PRKG2: variants seen among roughly 807,000 people sequenced by gnomAD.
PRKG2 encodes the protein cGMP-dependent protein kinase 2.
A neutral mutation model predicts 97.2 loss-of-function variants in PRKG2; 33 were observed. The observed-to-expected ratio is 0.34, with a 90% CI of 0.26 to 0.45. The LOEUF is 0.45. Among genes scored for constraint, PRKG2 ranks in the 20% least tolerant of loss-of-function variants. The pLI, the probability that PRKG2 is intolerant of heterozygous loss-of-function variation, is 1.00. For missense variants in PRKG2, 638 were observed against 900.0 expected, an observed-to-expected ratio of 0.71 and a Z score of 3.73; for synonymous variants, 330 against 321.8, an observed-to-expected ratio of 1.03 and a Z score of -0.27.
At chr4:81,194,596 T>C (rs772646561) in intron 2 of PRKG2, among the ~76,000 whole-genome samples, 4 of 150,654 alleles carry the variant, frequency 2.7e-5, no homozygotes, top group Non-Finnish European at 5.9e-5. Context: ...CAACAAAACA[T>C]TTCTCTCTCT....
intron 15 of PRKG2, among the ~76,000 whole-genome samples, chr4:81,106,360 T>G (rs1009006500): frequency 6.6e-6 from 1 of 152,000 alleles, no homozygotes; most frequent in Non-Finnish European, 1.5e-5. Context: ...AGGCCATGAG[T>G]CAGGAGTGGG....
chr4:81,091,045 A>G (rs1174989233), intron 18 of PRKG2, among the ~76,000 whole-genome samples: 3 of 152,198 alleles, frequency 2.0e-5, no homozygotes, highest in African/African-American at 7.2e-5. Context: ...TTTTAAATCT[A>G]AAATTCGAAG....
intron 6 of PRKG2, among the ~76,000 whole-genome samples, chr4:81,156,777 C>T (rs1241951063): frequency 6.6e-6 from 1 of 152,226 alleles, no homozygotes; most frequent in African/African-American, 2.4e-5. Context: ...TTAAGAATCT[C>T]ACTCAAAACC....
rs5859761 is a variant in PRKG2 at position 81,163,863 on chromosome 4, T to TACACAC, written c.912+3292_912+3297dup. Among the ~76,000 whole-genome samples the TACACAC allele has an allele frequency of 2.6e-3, 373 of 144,758 alleles. 2 individuals carry two copies. The highest frequency in any genetic ancestry group is 3.6e-3 in the Non-Finnish European group (234 of 64,594). The allele number at this position is 144,758 out of a possible 152,430, so 95.0% of individuals were successfully genotyped here. ...TGATGATATACAACCAGATGTATAGTACACACACACACACACACACACACA... is the reference window on the plus strand; with the variant it reads ...TGATGATATACAACCAGATGTATAGTACACACACACACACACACACACACACACACA... On this transcript the variant is annotated intron_variant, in intron 6 of 18. Transcript: ENST00000264399.
At chr4:81,175,022 T>G in intron 2 of PRKG2, 63 bp from the exon 3 acceptor site, 1 of 1,400,148 alleles carries the variant, frequency 7.1e-7, no homozygotes, top group South Asian at 1.5e-5. Flanking sequence ...CTATTTAGAT[T>G]CACTTTATTC....
intron 6 of PRKG2, among the ~76,000 whole-genome samples, chr4:81,155,733 G>A (rs1159808270): frequency 5.9e-5 from 9 of 151,330 alleles, no homozygotes; most frequent in East Asian, 3.9e-4. Flanking sequence ...CAGATCTCTC[G>A]GCAGAAACTC....
intron 2 of PRKG2, chr4:81,175,710 C>T (rs1578471670): frequency 6.6e-6 from 1 of 152,154 alleles, no homozygotes; most frequent in East Asian, 1.9e-4. Context: ...ATTCTTTCCT[C>T]AAATCCAAGT....
chr4:81,178,353 T>C (rs1308421344), intron 2 of PRKG2, among the ~76,000 whole-genome samples: 1 of 151,874 alleles, frequency 6.6e-6, no homozygotes, highest in Non-Finnish European at 1.5e-5. Context: ...ACATCAGAAG[T>C]TACCAGGCAT....
chr4:81,139,549 C>T (rs1560571270), intron 12 of PRKG2, among the ~76,000 whole-genome samples: 2 of 151,452 alleles, frequency 1.3e-5, no homozygotes, highest in East Asian at 3.9e-4. Flanking sequence ...TGGCAGATCA[C>T]GAGGTCAGGA....
At chr4:81,111,094 G>C (rs11938487) in intron 14 of PRKG2, among the ~76,000 whole-genome samples, 5,921 of 152,036 alleles carry the variant, frequency 0.039, 407 homozygotes, top group African/African-American at 0.14. Flanking sequence ...TTGGGAAATG[G>C]ACTAATGCTG....
intron 9 of PRKG2, among the ~76,000 whole-genome samples, chr4:81,145,446 T>A (rs1747767638): frequency 6.6e-6 from 1 of 152,146 alleles, no homozygotes; most frequent in South Asian, 2.1e-4. Flanking sequence ...TCACATTCCT[T>A]CATAATTAAA....
chr4:81,156,851 G>C (rs1749143731), intron 6 of PRKG2, among the ~76,000 whole-genome samples: 1 of 152,114 alleles, frequency 6.6e-6, no homozygotes, highest in Admixed American at 6.5e-5. Context: ...ACGAAATGAA[G>C]GCAGAAATAA....
At chr4:81,188,730 G>C (rs1203619273) in intron 2 of PRKG2, among the ~76,000 whole-genome samples, 2 of 117,968 alleles carry the variant, frequency 1.7e-5, no homozygotes, top group African/African-American at 5.5e-5. Context: ...GTAGGGACAT[G>C]GATGAAATTG....
intron 2 of PRKG2, among the ~76,000 whole-genome samples, chr4:81,188,202 A>G (rs1202272816): frequency 6.6e-6 from 1 of 151,716 alleles, no homozygotes; most frequent in African/African-American, 2.4e-5. Flanking sequence ...CCCATCAAAC[A>G]GTGGGTGAAG....
chr4:81,184,554 T>C (rs1248542521), intron 2 of PRKG2, among the ~76,000 whole-genome samples: 1 of 152,110 alleles, frequency 6.6e-6, no homozygotes, highest in Non-Finnish European at 1.5e-5. Flanking sequence ...ACAAAAAGGC[T>C]GAAAATTCCA....
At chr4:81,142,471 A>G (rs1299239498) in intron 11 of PRKG2, among the ~76,000 whole-genome samples, 1 of 152,200 alleles carries the variant, frequency 6.6e-6, no homozygotes, top group African/African-American at 2.4e-5. Flanking sequence ...ATGTATATAG[A>G]CACGCATTTG....
At chr4:81,135,756 T>C (rs956822716) in intron 13 of PRKG2, among the ~76,000 whole-genome samples, 1 of 151,990 alleles carries the variant, frequency 6.6e-6, no homozygotes, top group Admixed American at 6.6e-5. Context: ...GAATCATAAG[T>C]CTTTTCTGTT....
rs927374459 is a variant in PRKG2, at chr4:81,209,216, C to A, written c.-13-4156G>T. Among the ~76,000 whole-genome samples, 10 of 152,296 alleles carry A rather than the reference C, an allele frequency of 6.6e-5. No individual in the cohort carries two copies. The East Asian group carries it at 1.3e-3, about 21-fold the overall frequency. ...AAGTGACTGTGAAGGCGCTTGCAGG[C>A]GGATTAACACCTGGCAGTCAATGTG... is the stretch of plus-strand genomic sequence containing the variant. On this transcript the variant is annotated intron_variant, in intron 1 of 18. Coordinates refer to ENST00000264399, the MANE Select transcript of PRKG2 (RefSeq NM_006259.3).
intron 6 of PRKG2, among the ~76,000 whole-genome samples, chr4:81,166,891 T>G (rs576914337): frequency 6.6e-6 from 1 of 152,284 alleles, no homozygotes; most frequent in African/African-American, 2.4e-5. Context: ...AGGTTTGTTT[T>G]ATAAGATATA....
Sources: gnomAD v4.1 joint callset for allele counts (sites outside exome capture counted in the v4.1 genomes callset) on GRCh38, gnomAD v4.1.1 for gene constraint, MANE v1.5 for transcripts, NCBI Gene and HGNC (gene_info 2026-07-23, HGNC 2026-07-21) for gene names.